GTF2F2: variants seen among roughly 807,000 people sequenced by gnomAD.
GTF2F2 encodes the protein ATP-dependent helicase GTF2F2.
GTF2F2 carries 23 observed loss-of-function variants against 42.2 expected under a neutral mutation model. That is an observed-to-expected ratio of 0.55 (90% CI 0.39 to 0.77). The LOEUF (loss-of-function observed/expected upper bound fraction) is 0.77, where lower values mean the gene tolerates loss of function less well. GTF2F2 is among the 30% of genes least tolerant of loss of function. GTF2F2 has a pLI of 0.00. For missense variants in GTF2F2, 261 were observed against 287.2 expected (o/e 0.91, Z 0.66); for synonymous variants, 105 against 100.8 (o/e 1.04, Z -0.25).
At chr13:45,246,436 A>C (rs1593516179) in intron 5 of GTF2F2, among the ~76,000 whole-genome samples, 1 of 152,076 alleles carries the variant, frequency 6.6e-6, no homozygotes, top group African/African-American at 2.4e-5. Flanking sequence ...TTTCTATTGA[A>C]TCTGTTTTCA....
chr13:45,191,224 A>AAAAAAAAAATATATATAT, intron 4 of GTF2F2, among the ~76,000 whole-genome samples: 235 of 75,200 alleles, frequency 3.1e-3, no homozygotes, highest in Non-Finnish European at 4.3e-3. Flanking sequence ...ACAAAAAAAA[A>AAAAAAAAAATATATATAT]ATATATATAT....
intron 5 of GTF2F2, among the ~76,000 whole-genome samples, chr13:45,212,467 C>CT (rs371132076): frequency 0.031 from 1,713 of 55,010 alleles, 110 homozygotes; most frequent in African/African-American, 0.059. Context: ...TTCTTTCTTT[C>CT]TTTCTTTCTT....
chr13:45,192,076 T>C (rs1872682020), intron 4 of GTF2F2, among the ~76,000 whole-genome samples: 1 of 152,116 alleles, frequency 6.6e-6, no homozygotes, highest in African/African-American at 2.4e-5. Context: ...AACTCCTAAG[T>C]TGGAGAGGCA....
intron 5 of GTF2F2, among the ~76,000 whole-genome samples, chr13:45,250,638 G>A (rs1419152728): frequency 1.3e-5 from 2 of 152,186 alleles, no homozygotes; most frequent in African/African-American, 2.4e-5. Context: ...GAGTCTGGCT[G>A]TGGCACAGCT....
intron 5 of GTF2F2, among the ~76,000 whole-genome samples, chr13:45,246,382 A>G (rs1387499108): frequency 6.6e-6 from 1 of 152,188 alleles, no homozygotes; most frequent in East Asian, 1.9e-4. Context: ...GAGCCCAGTT[A>G]TTCTTGATGC....
At chr13:45,214,029 G>A (rs898102016) in intron 5 of GTF2F2, among the ~76,000 whole-genome samples, 3 of 152,182 alleles carry the variant, frequency 2.0e-5, no homozygotes, top group Non-Finnish European at 4.4e-5. Context: ...TCAATGAGTC[G>A]CTTTTCTTTA....
At chr13:45,254,531 C>A (rs141873753) in intron 6 of GTF2F2, among the ~76,000 whole-genome samples, 492 of 152,242 alleles carry the variant, frequency 3.2e-3, no homozygotes, top group African/African-American at 0.012. Context: ...AATCTTCATA[C>A]CAACCCTATG....
At chr13:45,256,857 A>G (rs1359681169) in intron 6 of GTF2F2, among the ~76,000 whole-genome samples, 1 of 152,192 alleles carries the variant, frequency 6.6e-6, no homozygotes, top group African/African-American at 2.4e-5. Context: ...ATAAAGTTAT[A>G]TAAACATGAA....
intron 5 of GTF2F2, among the ~76,000 whole-genome samples, chr13:45,212,606 C>T (rs1358001838): frequency 6.6e-6 from 1 of 151,216 alleles, no homozygotes; most frequent in Non-Finnish European, 1.5e-5. Context: ...TGCTCTGTTT[C>T]CCAGGCTTAA....
Position 45,151,829 on chromosome 13 carries a change from C to T in GTF2F2, c.302C>T (p.Ser101Leu), listed in dbSNP as rs764370010. The T allele has an allele frequency of 6.9e-7, 1 of 1,448,180 alleles. No homozygotes were observed. The highest frequency in any genetic ancestry group is 1.4e-5 in the South Asian group (1 of 72,126). The allele number at this position is 1,448,180 out of a possible 1,614,324, so 89.7% of individuals were successfully genotyped here. A position where few individuals can be genotyped will look rare whatever the true frequency, so the allele number is the denominator to read the frequency against. Residue 101 changes from serine to leucine, a missense_variant and splice_region_variant, in exon 4 of 8, where the codon TCA becomes TTA. Ser to Leu is a moderately radical substitution (Grantham distance 145). Coordinates refer to ENST00000340473, the MANE Select transcript of GTF2F2 (RefSeq NM_004128.3). ...TTAACAGTATTTACTGAGAGCTCAT[C>T]AGGTAAGTGGGAATGGAATTATTTA... ...QTLTVFTESS[S>L]DKLSLEGIVV...
rs1390859263 is a variant in GTF2F2 at position 45,215,767 on chromosome 13, A to G, written c.386+8262A>G. Among the ~76,000 whole-genome samples the G allele has an allele frequency of 3.3e-5, 5 of 151,832 alleles. No individual in the cohort carries two copies. The East Asian group carries it at 9.7e-4, about 29-fold the overall frequency. On this transcript the variant is annotated intron_variant, in intron 5 of 7. Coordinates refer to ENST00000340473, the MANE Select transcript of GTF2F2 (RefSeq NM_004128.3). Reference sequence around the variant, plus strand: ...AGCGGGACTCTGTCTGAAAAAAAAAAAAAAAGACTAAAACTGTTTGTTTTA... The same window carrying G: ...AGCGGGACTCTGTCTGAAAAAAAAAGAAAAAGACTAAAACTGTTTGTTTTA...
intron 4 of GTF2F2, among the ~76,000 whole-genome samples, chr13:45,174,126 C>T (rs762792543): frequency 4.1e-4 from 63 of 152,042 alleles, no homozygotes; most frequent in Admixed American, 1.7e-3. Context: ...CTGGGTTGTT[C>T]CCAGATTTTG....
At chr13:45,141,660 G>A (rs1473741) in intron 2 of GTF2F2, among the ~76,000 whole-genome samples, 25,025 of 152,096 alleles carry the variant, frequency 0.16, 2,437 homozygotes, top group Non-Finnish European at 0.22. Context: ...TACTGTGTGT[G>A]TGTGTTTTAG....
In GTF2F2 at chr13:45,227,285, A is replaced by G. The variant is rs763375221; in HGVS notation, c.386+19780A>G. The stretch of plus-strand genomic sequence containing the variant: ...GAAGAGCATATTGAGTTGTATATAG[A>G]TATATATTTTCATATTCAATTAAAA... On this transcript the variant is annotated intron_variant, in intron 5 of 7. Coordinates refer to ENST00000340473, the MANE Select transcript of GTF2F2 (RefSeq NM_004128.3). 5.3e-5 allele frequency among the ~76,000 whole-genome samples: 8 copies of G among 152,304 alleles called. No homozygotes were observed. In the South Asian group the frequency reaches 6.2e-4, roughly 12 times the overall value.
intron 4 of GTF2F2, among the ~76,000 whole-genome samples, chr13:45,177,085 C>T (rs997581633): frequency 2.6e-5 from 4 of 152,132 alleles, no homozygotes; most frequent in African/African-American, 7.2e-5. Flanking sequence ...CCACTGCGCC[C>T]AGCCTGGAAT....
intron 4 of GTF2F2, among the ~76,000 whole-genome samples, chr13:45,180,526 A>C (rs1872102206): frequency 6.6e-6 from 1 of 152,110 alleles, no homozygotes; most frequent in African/African-American, 2.4e-5. Context: ...TTTTGTGGTA[A>C]TTATAAACTC....
rs146152234 is a variant in GTF2F2, at chr13:45,146,446, C to A, written c.141-3324C>A. ...CCCAGGAAGTCAAGGCTGCAGTAAGCCATCATCATGCCACTGCACTCTAGC... is the reference window on the plus strand; with the variant it reads ...CCCAGGAAGTCAAGGCTGCAGTAAGACATCATCATGCCACTGCACTCTAGC... On this transcript the variant is annotated intron_variant, in intron 2 of 7. Transcript: ENST00000340473. Among the ~76,000 whole-genome samples, 23 of 152,244 alleles carry A rather than the reference C, an allele frequency of 1.5e-4. No individual in the cohort carries two copies. In the East Asian group the frequency reaches 4.3e-3, roughly 28 times the overall value.
At chr13:45,264,579 T>C (rs1593525582) in intron 6 of GTF2F2, among the ~76,000 whole-genome samples, 1 of 152,180 alleles carries the variant, frequency 6.6e-6, no homozygotes, top group Non-Finnish European at 1.5e-5. Context: ...CCCCATGATT[T>C]TTGAAAAATC....
chr13:45,191,224 A>AATATATATATATATAT (rs1165963910), intron 4 of GTF2F2, among the ~76,000 whole-genome samples: 71 of 75,226 alleles, frequency 9.4e-4, no homozygotes, highest in African/African-American at 4.7e-3. Context: ...ACAAAAAAAA[A>AATATATATATATATAT]ATATATATAT....
Sources: gnomAD v4.1 joint callset for allele counts (sites outside exome capture counted in the v4.1 genomes callset) on GRCh38, gnomAD v4.1.1 for gene constraint, MANE v1.5 for transcripts, NCBI Gene and HGNC (gene_info 2026-07-23, HGNC 2026-07-21) for gene names.